The following SMOC2 variants were observed in gnomAD, a reference collection of about 807,000 sequenced individuals.
SMOC2 encodes the protein SPARC related modular calcium binding 2.
A neutral mutation model predicts 61.4 loss-of-function variants in SMOC2; 39 were observed. The observed-to-expected ratio is 0.64, with a 90% confidence interval of 0.49 to 0.83. SMOC2 has a LOEUF of 0.83. Among genes scored for constraint, SMOC2 ranks in the 40% least tolerant of loss-of-function variants. SMOC2 has a pLI of 0.00. For missense variants in SMOC2, 556 were observed against 592.9 expected, an observed-to-expected ratio of 0.94 and a Z score of 0.65; for synonymous variants, 247 against 239.9, an observed-to-expected ratio of 1.03 and a Z score of -0.27.
chr6:168,538,880 G>A (rs1372214684), intron 4 of SMOC2, among the ~76,000 whole-genome samples: 1 of 152,092 alleles, frequency 6.6e-6, no homozygotes, highest in Non-Finnish European at 1.5e-5. Flanking sequence ...CAGATAAAAA[G>A]GCCCTTTAGA....
At chr6:168,504,202 A>T (rs1329367776) in intron 1 of SMOC2, among the ~76,000 whole-genome samples, 8 of 152,000 alleles carry the variant, frequency 5.3e-5, no homozygotes, top group Non-Finnish European at 1.0e-4. Flanking sequence ...CCTTTTCGGC[A>T]TGAGGAACGT....
chr6:168,599,097 C>A (rs991134681), intron 8 of SMOC2, 93 bp downstream of exon 8: 2 of 1,162,112 alleles, frequency 1.7e-6, no homozygotes, highest in Non-Finnish European at 2.4e-6. Context: ...CCAACACACA[C>A]CGACACACAG....
chr6:168,568,679 C>T (rs1784600177), intron 7 of SMOC2, among the ~76,000 whole-genome samples: 1 of 152,122 alleles, frequency 6.6e-6, no homozygotes, highest in African/African-American at 2.4e-5. Flanking sequence ...GCTCCACCTA[C>T]CCATCCCTCC....
intron 4 of SMOC2, among the ~76,000 whole-genome samples, chr6:168,529,420 G>A (rs1166246615): frequency 6.6e-6 from 1 of 152,206 alleles, no homozygotes. Flanking sequence ...TTTCCACGTC[G>A]GGGCAGGGTT....
At chr6:168,445,392 T>G (rs1301416745) in intron 1 of SMOC2, among the ~76,000 whole-genome samples, 1 of 152,236 alleles carries the variant, frequency 6.6e-6, no homozygotes, top group Non-Finnish European at 1.5e-5. Context: ...CCTATTTGTG[T>G]TTATTTGCTT....
Position 168,511,481 on chromosome 6 carries a change from A to G in SMOC2, c.256+1395A>G, listed in dbSNP as rs142914101. On this transcript the variant is annotated intron_variant, in intron 2 of 12. Coordinates refer to ENST00000356284, the MANE Select transcript of SMOC2 (RefSeq NM_001166412.2). ...CATAAGAGAAGCCACCCCCATGATT[A>G]AATTACCTCCCACCAGGTCCCTCCC... is the stretch of plus-strand genomic sequence containing the variant. Among the ~76,000 whole-genome samples the G allele has an allele frequency of 7.0e-4, 106 of 152,290 alleles. 1 individual carries two copies. In the Middle Eastern group the frequency reaches 0.01, roughly 15 times the overall value.
intron 7 of SMOC2, among the ~76,000 whole-genome samples, chr6:168,555,401 G>A (rs1340027549): frequency 3.8e-5 from 5 of 130,858 alleles, no homozygotes; most frequent in African/African-American, 1.6e-4. Context: ...GAAGAGCTCT[G>A]TTAGCACGCA....
At chr6:168,448,853 T>C (rs1478680705) in intron 1 of SMOC2, among the ~76,000 whole-genome samples, 1 of 152,158 alleles carries the variant, frequency 6.6e-6, no homozygotes, top group African/African-American at 2.4e-5. Context: ...TTGGGCACGT[T>C]TTCAGTTTTA....
intron 7 of SMOC2, among the ~76,000 whole-genome samples, chr6:168,591,537 C>A (rs1357301197): frequency 2.6e-5 from 4 of 151,964 alleles, no homozygotes; most frequent in African/African-American, 9.7e-5. Flanking sequence ...GAACTTAATA[C>A]ACTAAATGGA....
At chr6:168,584,615 A>G (rs142625363) in intron 7 of SMOC2, among the ~76,000 whole-genome samples, 40 of 151,558 alleles carry the variant, frequency 2.6e-4, no homozygotes, top group African/African-American at 7.7e-4. Context: ...TGAGTCTGAT[A>G]TACTATTCAT....
At chr6:168,496,920 TGA>T (rs1299907688) in intron 1 of SMOC2, among the ~76,000 whole-genome samples, 3 of 152,090 alleles carry the variant, frequency 2.0e-5, no homozygotes, top group Non-Finnish European at 4.4e-5. Context: ...TGACCCAAGG[TGA>T]GAGGGGAACA....
chr6:168,525,837 A>G (rs1219702778), intron 2 of SMOC2, among the ~76,000 whole-genome samples: 1 of 152,132 alleles, frequency 6.6e-6, no homozygotes, highest in Non-Finnish European at 1.5e-5. Context: ...TGGAAGTCCC[A>G]CCGCGTGCGT....
At chr6:168,488,878 G>T (rs558390282) in intron 1 of SMOC2, among the ~76,000 whole-genome samples, 1 of 139,854 alleles carries the variant, frequency 7.2e-6, no homozygotes, top group Admixed American at 7.2e-5. Context: ...ATATCAAATC[G>T]TCTGGGTCCC....
chr6:168,547,010 G>A (rs939679666), intron 5 of SMOC2, 109 bp from the exon 6 acceptor site: 36 of 1,334,356 alleles, frequency 2.7e-5, no homozygotes, highest in African/African-American at 1.3e-4. Flanking sequence ...TGTTGTGGTT[G>A]ATCTGTGGGG....
intron 1 of SMOC2, among the ~76,000 whole-genome samples, chr6:168,466,297 G>A (rs1012080548): frequency 2.0e-5 from 3 of 151,594 alleles, no homozygotes; most frequent in African/African-American, 7.3e-5. Context: ...GCTCTGAGTG[G>A]AAGCACTGCT....
At chr6:168,512,995 AAC>A (rs1783044947) in intron 2 of SMOC2, among the ~76,000 whole-genome samples, 2 of 152,250 alleles carry the variant, frequency 1.3e-5, no homozygotes, top group African/African-American at 2.4e-5. Flanking sequence ...AGTTATTTAA[AAC>A]ACAGATGTGA....
chr6:168,484,625 A>T (rs1162464391), intron 1 of SMOC2, among the ~76,000 whole-genome samples: 2 of 152,240 alleles, frequency 1.3e-5, no homozygotes, highest in East Asian at 3.8e-4. Flanking sequence ...CAGATTCTCA[A>T]AGAGATATTT....
intron 4 of SMOC2, among the ~76,000 whole-genome samples, chr6:168,531,333 CT>C (rs1446333741): frequency 6.6e-6 from 1 of 152,174 alleles, no homozygotes; most frequent in Non-Finnish European, 1.5e-5. Context: ...GTGCACTTTT[CT>C]GTATGGGTGT....
At chr6:168,529,433 G>A (rs1243852476) in intron 4 of SMOC2, among the ~76,000 whole-genome samples, 1 of 152,188 alleles carries the variant, frequency 6.6e-6, no homozygotes, top group Non-Finnish European at 1.5e-5. Flanking sequence ...GCAGGGTTCC[G>A]CTGGCTGCAC....
Sources: allele counts gnomAD v4.1 joint callset (sites outside exome capture counted in the v4.1 genomes callset), GRCh38; gene constraint gnomAD v4.1.1; transcripts MANE v1.5; gene names NCBI Gene and HGNC (gene_info 2026-07-23, HGNC 2026-07-21).